Variants in MIPOL1 observed in about 807,000 individuals in gnomAD.
MIPOL1 encodes mirror-image polydactyly gene 1 protein.
Under a neutral mutation model 60.9 loss-of-function variants are expected in MIPOL1, and 57 were observed. The ratio of observed to expected loss-of-function variants is 0.94; its 90% confidence interval spans 0.76 to 1.17. The LOEUF (loss-of-function observed/expected upper bound fraction) is 1.17. MIPOL1 is among the 50% of genes most tolerant of loss of function. The pLI is 0.00. For synonymous variants in MIPOL1, 179 were observed against 168.8 expected, an observed-to-expected ratio of 1.06 and a Z score of -0.47; for missense variants, 551 against 511.6, an observed-to-expected ratio of 1.08 and a Z score of -0.74.
rs111956697 is a variant in MIPOL1 at position 37,486,361 on chromosome 14, A to G, written c.1032-13547A>G. On this transcript the variant is annotated intron_variant, in intron 11 of 12. Coordinates refer to ENST00000684589, the MANE Select transcript of MIPOL1 (RefSeq NM_001388067.1). ...ATGAAATTTAAAGTAGGTTTTTTCA[A>G]TTTTTTAAGAAAGTCAATGGTAGCT... 9.2e-5 allele frequency among the ~76,000 whole-genome samples: 14 copies of G among 152,140 alleles called. 1 individual carries two copies. The highest frequency in any genetic ancestry group is 3.4e-4 in the African/African-American group (14 of 41,518).
intron 7 of MIPOL1, among the ~76,000 whole-genome samples, chr14:37,286,982 G>A (rs2084627088): frequency 6.6e-6 from 1 of 152,016 alleles, no homozygotes; most frequent in African/African-American, 2.4e-5. Flanking sequence ...TGTCATATTT[G>A]AAAAGCAGTG....
intron 10 of MIPOL1, among the ~76,000 whole-genome samples, chr14:37,394,451 C>T (rs1355354005): frequency 6.6e-6 from 1 of 152,010 alleles, no homozygotes; most frequent in Non-Finnish European, 1.5e-5. Flanking sequence ...TGAATTATGG[C>T]TATTCTTGCA....
At chr14:37,245,957 A>G (rs1207926853) in intron 1 of MIPOL1, among the ~76,000 whole-genome samples, 1 of 152,126 alleles carries the variant, frequency 6.6e-6, no homozygotes, top group Non-Finnish European at 1.5e-5. Flanking sequence ...GTTGGGAATG[A>G]CCTAAAACAG....
chr14:37,539,992 C>T (rs983248138), intron 12 of MIPOL1, among the ~76,000 whole-genome samples: 3 of 152,138 alleles, frequency 2.0e-5, no homozygotes, highest in African/African-American at 7.2e-5. Context: ...CCCCCTTTTG[C>T]TTTACACTTC....
intron 11 of MIPOL1, among the ~76,000 whole-genome samples, chr14:37,448,261 G>A (rs930071374): frequency 2.6e-5 from 4 of 152,146 alleles, no homozygotes; most frequent in African/African-American, 9.7e-5. Context: ...TATAGCACTA[G>A]CAGCCATAGC....
chr14:37,332,340 G>T (rs2089766687), intron 9 of MIPOL1, among the ~76,000 whole-genome samples: 1 of 151,984 alleles, frequency 6.6e-6, no homozygotes, highest in Non-Finnish European at 1.5e-5. Flanking sequence ...CCTTCAGTCT[G>T]TTGATGCAAT....
chr14:37,206,104 G>A (rs1414510561), intron 1 of MIPOL1, among the ~76,000 whole-genome samples: 2 of 152,148 alleles, frequency 1.3e-5, no homozygotes, highest in African/African-American at 2.4e-5. Flanking sequence ...AAGACAATGG[G>A]GAAAATGTCC....
chr14:37,308,400 A>G lies in MIPOL1; in HGVS notation c.709A>G (p.Ile237Val), dbSNP rs773563660. ...RINNADTGIA[I>V]QKNGAIIVDR... ...AAACAATGCAGACACAGGGATAGCTATTCAGAAGAATGGAGCTATAATTGT... is the reference window on the plus strand; with the variant it reads ...AAACAATGCAGACACAGGGATAGCTGTTCAGAAGAATGGAGCTATAATTGT... The change falls in exon 9 of 13, where the codon ATT becomes GTT. Residue 237 changes from isoleucine to valine, a missense_variant. Ile to Val is a conservative substitution (Grantham distance 29). Coordinates refer to ENST00000684589, the MANE Select transcript of MIPOL1 (RefSeq NM_001388067.1). 2 of 1,602,146 alleles carry G rather than the reference A, an allele frequency of 1.2e-6. No individual in the cohort carries two copies. The highest frequency in any genetic ancestry group is 1.7e-6 in the Non-Finnish European group (2 of 1,175,508).
intron 10 of MIPOL1, among the ~76,000 whole-genome samples, chr14:37,421,246 A>G (rs1256401323): frequency 6.6e-6 from 1 of 152,152 alleles, no homozygotes; most frequent in Non-Finnish European, 1.5e-5. Context: ...GTGCACAGGT[A>G]CCAAGTAAAA....
At chr14:37,330,467 G>A (rs1567499064) in intron 9 of MIPOL1, among the ~76,000 whole-genome samples, 3 of 152,014 alleles carry the variant, frequency 2.0e-5, no homozygotes, top group South Asian at 2.1e-4. Flanking sequence ...TAACTTTAAT[G>A]TATTAAGTAT....
rs148317545 is a variant in MIPOL1, at chr14:37,273,251, G to A, written c.493+2726G>A. On this transcript the variant is annotated intron_variant, in intron 6 of 12. Coordinates refer to ENST00000684589, the MANE Select transcript of MIPOL1 (RefSeq NM_001388067.1). Reference sequence around the variant, plus strand: ...ACATGTATATTATATAAAATAAGAGGCAAATGTTGGTGGTCTTTAAGTGAA... The same window carrying A: ...ACATGTATATTATATAAAATAAGAGACAAATGTTGGTGGTCTTTAAGTGAA... 2.5e-3 allele frequency among the ~76,000 whole-genome samples: 380 copies of A among 150,652 alleles called. 1 individual carries two copies. The highest frequency in any genetic ancestry group is 9.0e-3 in the African/African-American group (372 of 41,376).
intron 10 of MIPOL1, among the ~76,000 whole-genome samples, chr14:37,402,111 T>C (rs915648378): frequency 2.6e-5 from 4 of 152,256 alleles, no homozygotes; most frequent in Non-Finnish European, 5.9e-5. Context: ...TTCTTATTCA[T>C]AGGGATATGC....
At chr14:37,338,251 C>T (rs2090326549) in intron 9 of MIPOL1, among the ~76,000 whole-genome samples, 1 of 151,548 alleles carries the variant, frequency 6.6e-6, no homozygotes, top group South Asian at 2.1e-4. Context: ...GGACTACAGG[C>T]ACCTGCCACC....
chr14:37,399,869 C>T (rs1189294486), intron 10 of MIPOL1: 1 of 152,082 alleles, frequency 6.6e-6, no homozygotes, highest in Non-Finnish European at 1.5e-5. Context: ...GTACATTTTC[C>T]CCCAAACCTG....
chr14:37,529,147 G>T (rs1339022849), intron 12 of MIPOL1, among the ~76,000 whole-genome samples: 1 of 152,118 alleles, frequency 6.6e-6, no homozygotes, highest in Non-Finnish European at 1.5e-5. Flanking sequence ...AAAATGTCTT[G>T]TTAGTCTGAC....
chr14:37,316,539 T>C (rs759933975), intron 9 of MIPOL1, among the ~76,000 whole-genome samples: 4 of 151,122 alleles, frequency 2.6e-5, no homozygotes, highest in Admixed American at 1.3e-4. Flanking sequence ...CCTCCTGTAA[T>C]GTAGGCAGAA....
At chr14:37,211,042 A>G (rs1453883771) in intron 1 of MIPOL1, among the ~76,000 whole-genome samples, 1 of 152,232 alleles carries the variant, frequency 6.6e-6, no homozygotes, top group Non-Finnish European at 1.5e-5. Flanking sequence ...AGCTAGAAGC[A>G]AGATGGAGTC....
intron 7 of MIPOL1, among the ~76,000 whole-genome samples, chr14:37,302,656 G>T (rs1444141704): frequency 6.8e-6 from 1 of 147,564 alleles, no homozygotes; most frequent in African/African-American, 2.5e-5. Flanking sequence ...TTTGCTTATG[G>T]ACATTCTTAT....
intron 11 of MIPOL1, among the ~76,000 whole-genome samples, chr14:37,454,418 C>A (rs1402991537): frequency 6.6e-6 from 1 of 152,210 alleles, no homozygotes; most frequent in African/African-American, 2.4e-5. Context: ...TTATTTTTGG[C>A]AGTCCTTTTA....
Sources: allele counts gnomAD v4.1 joint callset (sites outside exome capture counted in the v4.1 genomes callset), GRCh38; gene constraint gnomAD v4.1.1; transcripts MANE v1.5; gene names NCBI Gene and HGNC (gene_info 2026-07-23, HGNC 2026-07-21).